SLC25A23: variants seen among roughly 807,000 people sequenced by gnomAD.
SLC25A23 encodes solute carrier family 25 member 23.
Under a neutral mutation model 53.9 loss-of-function variants are expected in SLC25A23, and 32 were observed. That is an observed-to-expected ratio of 0.59 (90% confidence interval 0.45 to 0.80). The LOEUF is 0.80. Among genes scored for constraint, SLC25A23 ranks in the 30% least tolerant of loss-of-function variants. The probability of loss-of-function intolerance (pLI) is 0.00; values close to 1 mark genes in which losing one functional copy is unlikely to be tolerated. For missense variants in SLC25A23, 575 were observed against 651.4 expected (o/e 0.88, Z 1.28); for synonymous variants, 275 against 264.5 (o/e 1.04, Z -0.38).
At chr19:6,456,011 G>A (rs1012893096) in intron 4 of SLC25A23, 4 of 1,297,288 alleles carry the variant, frequency 3.1e-6, no homozygotes, top group Admixed American at 2.3e-5. Context: ...GAGCCACTGC[G>A]CCTGGCCAAG....
At chr19:6,444,793 G>A (rs1030274973) in intron 8 of SLC25A23, among the ~76,000 whole-genome samples, 7 of 150,748 alleles carry the variant, frequency 4.6e-5, no homozygotes, top group African/African-American at 1.2e-4. Context: ...TCAGCCTCCC[G>A]GGTAGCTGGG....
At position 6,457,522 on chromosome 19, in the gene SLC25A23, C is replaced by T; in HGVS notation, c.352G>A (p.Ala118Thr). 1.9e-6 allele frequency: 3 copies of T among 1,614,076 alleles called. No homozygotes were observed. Among genetic ancestry groups the T allele is most frequent in the Non-Finnish European group, 2.5e-6 (3 of 1,180,014 alleles). Residue 118 changes from alanine (A) to threonine (T), a missense_variant, in exon 3 of 10, where the codon GCT (alanine) becomes ACT (threonine). Ala to Thr is a moderately conservative substitution (Grantham distance 58). Coordinates refer to ENST00000301454, the MANE Select transcript of SLC25A23 (RefSeq NM_024103.3). ...ALGISISLEQ[A>T]EKILHSMDRD... ...ACTCACCTGTGCAAAATTTTCTCAGCCTGCTCCAGCGAGATGGAAATGCCC... is the reference window on the plus strand; with the variant it reads ...ACTCACCTGTGCAAAATTTTCTCAGTCTGCTCCAGCGAGATGGAAATGCCC...
At chr19:6,452,534 A>G in intron 7 of SLC25A23, 55 bp from the exon 8 acceptor site, 1 of 1,548,736 alleles carries the variant, frequency 6.5e-7, no homozygotes, top group Non-Finnish European at 8.7e-7. Context: ...CGCTACATCC[A>G]GGAATGAAGA....
At chr19:6,451,958 A>C (rs1029792898) in intron 8 of SLC25A23, among the ~76,000 whole-genome samples, 7 of 151,794 alleles carry the variant, frequency 4.6e-5, no homozygotes, top group African/African-American at 1.7e-4. Flanking sequence ...CCCAGGCTCA[A>C]GCAATTCTCA....
Position 6,454,664 on chromosome 19 carries a change from C to T in SLC25A23, c.537G>A (p.Glu179=), listed in dbSNP as rs767359266. 7 of 1,614,110 alleles carry T rather than the reference C, an allele frequency of 4.3e-6. No individual in the cohort carries two copies. The East Asian group carries it at 1.3e-4, about 31-fold the overall frequency. Residue 179 remains glutamate, a synonymous_variant, in exon 5 of 10, where the codon GAG becomes GAA. Coordinates refer to ENST00000301454, the MANE Select transcript of SLC25A23 (RefSeq NM_024103.3). The surrounding 1 kb of genome is among the most constrained non-coding windows in gnomAD (Gnocchi z 4.3). ...LTVPDEFSKQ[E]KLTGMWWKQL... is the part of the protein sequence containing the mutation. ...GTTTCCACCACATGCCCGTCAGCTTCTCTTGCTTTGAGAACTCGTCCGGCA... is the reference window on the plus strand; with the variant it reads ...GTTTCCACCACATGCCCGTCAGCTTTTCTTGCTTTGAGAACTCGTCCGGCA...
At chr19:6,449,237 T>G (rs2092550933) in intron 8 of SLC25A23, among the ~76,000 whole-genome samples, 1 of 151,170 alleles carries the variant, frequency 6.6e-6, no homozygotes, top group Non-Finnish European at 1.5e-5. Context: ...TGTGTCTTCT[T>G]TCTGTCTTTC....
Position 6,441,874 on chromosome 19 carries a change from G to T in SLC25A23, c.*101C>A. The T allele has an allele frequency of 1.8e-6, 2 of 1,123,220 alleles. No homozygotes were observed. The highest frequency in any genetic ancestry group is 1.3e-6 in the Non-Finnish European group (1 of 766,318). The allele number at this position is 1,123,220 out of a possible 1,614,324, so 69.6% of individuals were successfully genotyped here. Reference sequence around the variant, plus strand: ...TCTAGGATCCAGGATCTGGGTACTGGGATCTCGTGGCCAAAGAGTAGGGAT... The same window carrying T: ...TCTAGGATCCAGGATCTGGGTACTGTGATCTCGTGGCCAAAGAGTAGGGAT... On this transcript the variant is annotated 3_prime_UTR_variant, in exon 10 of 10. Coordinates refer to ENST00000301454, the MANE Select transcript of SLC25A23 (RefSeq NM_024103.3).
At position 6,455,909 on chromosome 19, in the gene SLC25A23, C is replaced by T. The variant is rs559925448; in HGVS notation, c.483+511G>A. On this transcript the variant is annotated intron_variant, in intron 4 of 9. Coordinates refer to ENST00000301454, the MANE Select transcript of SLC25A23 (RefSeq NM_024103.3). Reference sequence around the variant, plus strand: ...CATTTTTTTAATATTTTTGTAGAGACGGGGTTTCACCATGTTAGCCAGGAT... The same window carrying T: ...CATTTTTTTAATATTTTTGTAGAGATGGGGTTTCACCATGTTAGCCAGGAT... 19 of 696,442 alleles carry T rather than the reference C, an allele frequency of 2.7e-5. No homozygotes were observed. The African/African-American group carries it at 3.0e-4, about 11-fold the overall frequency. 43.1% of individuals were successfully genotyped at this position (696,442 alleles called of 1,614,324 possible).
intron 4 of SLC25A23, chr19:6,455,944 C>T (rs956304874): frequency 2.8e-5 from 31 of 1,088,634 alleles, no homozygotes; most frequent in African/African-American, 1.8e-4. Flanking sequence ...TGGTCGCGAT[C>T]GCCTGACCTC....
chr19:6,444,231 G>C lies in SLC25A23; in HGVS notation c.1142C>G (p.Ala381Gly), dbSNP rs1352086644. The part of the protein sequence containing the change: ...SADPGILVLL[A>G]CGTISSTCGQ... The stretch of plus-strand genomic sequence containing the variant: ...GCAGGTGCTGGATATGGTACCGCAG[G>C]CCAGGAGCACGAGGATGCCTGGGTC... The change falls in exon 9 of 10, where the codon GCC (alanine) becomes GGC (glycine). Residue 381 changes from alanine (A) to glycine (G), a missense_variant. Ala to Gly is a moderately conservative substitution (Grantham distance 60). Transcript: ENST00000301454. 6.2e-7 allele frequency: 1 copy of C among 1,605,078 alleles called. No individual in the cohort carries two copies. The highest frequency in any genetic ancestry group is 1.7e-4 in the Middle Eastern group (1 of 6,038).
intron 2 of SLC25A23, 97 bp downstream of exon 2, chr19:6,458,101 C>A: frequency 3.4e-6 from 5 of 1,465,772 alleles, no homozygotes; most frequent in Non-Finnish European, 4.6e-6. Context: ...GGCCCTCCCC[C>A]TCTCCTCCTA....
intron 8 of SLC25A23, among the ~76,000 whole-genome samples, chr19:6,447,995 G>T (rs753605990): frequency 1.4e-4 from 22 of 152,218 alleles, no homozygotes; most frequent in Non-Finnish European, 2.1e-4. Context: ...TTATAGAAAA[G>T]AAACTGAGGC....
chr19:6,443,218 C>T lies in SLC25A23; in HGVS notation c.1222+933G>A, dbSNP rs1266374711. Among the ~76,000 whole-genome samples, 5 of 152,132 alleles carry T rather than the reference C, an allele frequency of 3.3e-5. No individual in the cohort carries two copies. In the East Asian group the frequency reaches 9.7e-4, roughly 29 times the overall value. On this transcript the variant is annotated intron_variant, in intron 9 of 9. Coordinates refer to ENST00000301454, the MANE Select transcript of SLC25A23 (RefSeq NM_024103.3). Reference sequence around the variant, plus strand: ...CCTCCCAAGGTGCTGGGATGGCAGGCGTGAGCCACTACCCCTGGCTCCCAC... The same window carrying T: ...CCTCCCAAGGTGCTGGGATGGCAGGTGTGAGCCACTACCCCTGGCTCCCAC...
chr19:6,441,939 G>A lies in SLC25A23; in HGVS notation c.*36C>T, dbSNP rs1182965966. The stretch of plus-strand genomic sequence containing the variant: ...ATCAGTCTCCAGTGGCTGAGGTGTG[G>A]GGGGTGAGGGATTGGGGGGACGGGC... On this transcript the variant is annotated 3_prime_UTR_variant, in exon 10 of 10. Transcript: ENST00000301454. The A allele has an allele frequency of 3.1e-6, 5 of 1,596,370 alleles. No individual in the cohort carries two copies. Among genetic ancestry groups the A allele is most frequent in the Non-Finnish European group, 4.3e-6 (5 of 1,166,414 alleles).
At chr19:6,457,736 T>C in intron 2 of SLC25A23, 146 bp from the exon 3 acceptor site, 1 of 662,294 alleles carries the variant, frequency 1.5e-6, no homozygotes, top group Middle Eastern at 4.0e-4. Flanking sequence ...GCAGTAGGGC[T>C]GTGGGGGGAC....
intron 2 of SLC25A23, 83 bp from the exon 3 acceptor site, chr19:6,457,673 G>C: frequency 8.2e-7 from 1 of 1,220,344 alleles, no homozygotes; most frequent in Non-Finnish European, 1.2e-6. Flanking sequence ...GAACAGCTTG[G>C]AATGGAGGTG....
At chr19:6,436,482 G>C (rs1568354381), downstream of SLC25A23, 1 of 455,538 alleles carries the variant, frequency 2.2e-6, no homozygotes, top group Non-Finnish European at 4.4e-6. Context: ...CAGAGCAAAT[G>C]TTATGAGAAA....
In SLC25A23 at chr19:6,454,995, A is replaced by C. The variant is rs953158412; in HGVS notation, c.484-278T>G. 6.6e-6 allele frequency among the ~76,000 whole-genome samples: 1 copy of C among 152,116 alleles called. No individual in the cohort carries two copies. Among genetic ancestry groups the C allele is most frequent in the Non-Finnish European group, 1.5e-5 (1 of 68,002 alleles). On this transcript the variant is annotated intron_variant, in intron 4 of 9. Transcript: ENST00000301454. This position sits in a 1 kb window ranked among gnomAD's most constrained non-coding sequence, Gnocchi z 4.3. ...ATCCTATTCAAGTATCTGCCACATA[A>C]AGATCCCTCCAGGCTAGATGTGATG... is the stretch of plus-strand genomic sequence containing the variant.
At chr19:6,444,375 G>A (rs961078449) in intron 8 of SLC25A23, 74 bp from the exon 9 acceptor site, 32 of 1,464,966 alleles carry the variant, frequency 2.2e-5, no homozygotes, top group Non-Finnish European at 2.6e-5. Context: ...CCTGCTGGCC[G>A]GTTCTGTATC....
Sources: gnomAD v4.1 joint callset for allele counts (sites outside exome capture counted in the v4.1 genomes callset) on GRCh38, gnomAD v4.1.1 for gene constraint, Gnocchi (gnomAD v3.1) non-coding constraint, MANE v1.5 for transcripts, NCBI Gene and HGNC (gene_info 2026-07-23, HGNC 2026-07-21) for gene names.